Variants in LITAF observed in about 807,000 individuals in gnomAD.
LITAF encodes lipopolysaccharide induced TNF factor.
In LITAF, 9 loss-of-function variants were observed where a neutral mutation model predicts 14.5. That is an observed-to-expected ratio of 0.62 (90% confidence interval 0.37 to 1.08). The LOEUF is 1.08. Ranked by LOEUF, LITAF falls within the 50% of genes least tolerant of loss-of-function variation. The probability of loss-of-function intolerance (pLI) is 0.01; values close to 1 mark genes in which losing one functional copy is unlikely to be tolerated. For missense variants in LITAF, 206 were observed against 213.4 expected (o/e 0.97, Z 0.22); for synonymous variants, 98 against 88.2 (o/e 1.11, Z -0.62).
At chr16:11,635,359 C>G (rs1403529368) in intron 2 of LITAF, among the ~76,000 whole-genome samples, 1 of 152,232 alleles carries the variant, frequency 6.6e-6, no homozygotes, top group African/African-American at 2.4e-5. Context: ...CCAGCCAGAG[C>G]CAACCCCTGT....
At position 11,549,359 on chromosome 16, in the gene LITAF, G is replaced by A. The variant is rs1399512057; in HGVS notation, c.*278C>T. On this transcript the variant is annotated 3_prime_UTR_variant, in exon 4 of 4. Coordinates refer to ENST00000622633, the MANE Select transcript of LITAF (RefSeq NM_001136472.2). This position sits in a 1 kb window ranked among gnomAD's most constrained non-coding sequence, Gnocchi z 4.6. ...ATATTCGGATAGGGCAATGATCACA[G>A]TTAGATGGCAGGACTCAGGGTCTCA... 5.9e-6 allele frequency: 3 copies of A among 507,296 alleles called. No individual in the cohort carries two copies. Among genetic ancestry groups the A allele is most frequent in the Non-Finnish European group, 7.7e-6 (2 of 260,766 alleles). 31.4% of individuals were successfully genotyped at this position (507,296 alleles called of 1,614,324 possible). A position where few individuals can be genotyped will look rare whatever the true frequency, so the allele number is the denominator to read the frequency against.
chr16:11,618,377 T>A (rs969664918), intron 3 of LITAF, among the ~76,000 whole-genome samples: 3 of 152,074 alleles, frequency 2.0e-5, no homozygotes, highest in Non-Finnish European at 4.4e-5. Context: ...GAAGTAGGGG[T>A]AGCCTGGGGA....
At position 11,553,464 on chromosome 16, in the gene LITAF, G is replaced by C; in HGVS notation, c.377+69C>G. The stretch of plus-strand genomic sequence containing the variant: ...TGAATGTCAAGCATGGTGCAGTTGA[G>C]AACCCACCCCCGCCAGCACCCAGAG... On this transcript the variant is annotated intron_variant, in intron 3 of 3. Coordinates refer to ENST00000622633, the MANE Select transcript of LITAF (RefSeq NM_001136472.2). This position sits in a 1 kb window ranked among gnomAD's most constrained non-coding sequence, Gnocchi z 7.7. 1 of 1,549,774 alleles carries C rather than the reference G, an allele frequency of 6.5e-7. No homozygotes were observed. The highest frequency in any genetic ancestry group is 2.3e-5 in the East Asian group (1 of 44,252).
intron 1 of LITAF, among the ~76,000 whole-genome samples, chr16:11,566,809 G>C (rs1410020616): frequency 8.6e-5 from 13 of 151,468 alleles, no homozygotes; most frequent in Non-Finnish European, 1.9e-4. Context: ...AAAAAAAAAA[G>C]ATTTAGGAGT....
upstream of LITAF, among the ~76,000 whole-genome samples, chr16:11,589,292 C>T (rs916314469): frequency 2.0e-5 from 3 of 152,190 alleles, no homozygotes; most frequent in African/African-American, 7.2e-5. Context: ...GGAACTTCCT[C>T]AACCTTAGGG....
intron 1 of LITAF, among the ~76,000 whole-genome samples, chr16:11,572,758 G>C (rs1475739686): frequency 6.6e-6 from 1 of 152,164 alleles, no homozygotes; most frequent in Non-Finnish European, 1.5e-5. Context: ...GCACAGAAAA[G>C]CCTTAGTTGG....
chr16:11,576,554 A>AC (rs1555469757), intron 1 of LITAF, among the ~76,000 whole-genome samples: 11 of 116,642 alleles, frequency 9.4e-5, no homozygotes, highest in African/African-American at 1.3e-4. Context: ...AAAAAAAAAA[A>AC]AGAGAGAGAG....
At chr16:11,550,748 C>T (rs1483105764) in intron 3 of LITAF, among the ~76,000 whole-genome samples, 15 of 152,000 alleles carry the variant, frequency 9.9e-5, no homozygotes, top group East Asian at 1.9e-4. Context: ...CTTCCACCTC[C>T]GCCTCCCAAA....
At chr16:11,608,503 G>T (rs1033493408) in intron 3 of LITAF, among the ~76,000 whole-genome samples, 1 of 152,212 alleles carries the variant, frequency 6.6e-6, no homozygotes, top group African/African-American at 2.4e-5. Flanking sequence ...TACACAAATG[G>T]TGGAAACACC....
At position 11,620,680 on chromosome 16, in the gene LITAF, A is replaced by G. The variant is rs1381274330; in HGVS notation, c.85+12853T>C. ...GATATGGAAAAAATAGGTCATTTCT[A>G]TTCTGTGAAAGAATCAGCAGCACAA... On this transcript the variant is annotated intron_variant, in intron 3 of 3. Transcript: ENST00000574848. 3.3e-5 allele frequency among the ~76,000 whole-genome samples: 5 copies of G among 152,228 alleles called. No homozygotes were observed. The East Asian group carries it at 7.7e-4, about 23-fold the overall frequency.
At chr16:11,588,848 C>T (rs1007903732), upstream of LITAF, among the ~76,000 whole-genome samples, 11 of 148,076 alleles carry the variant, frequency 7.4e-5, no homozygotes, top group Admixed American at 7.4e-4. Context: ...CCCTCCCAAC[C>T]TTTTCTCCTT....
At chr16:11,604,998 G>A (rs532030493) in intron 3 of LITAF, among the ~76,000 whole-genome samples, 66 of 152,186 alleles carry the variant, frequency 4.3e-4, no homozygotes, top group Non-Finnish European at 8.4e-4. Flanking sequence ...GGAAGTTGGA[G>A]CAATGCGGGA....
intron 3 of LITAF, among the ~76,000 whole-genome samples, chr16:11,616,911 C>CAAAA (rs766801773): frequency 1.1e-4 from 9 of 83,064 alleles, no homozygotes; most frequent in East Asian, 3.3e-4. Flanking sequence ...GACTCTATCT[C>CAAAA]AAAAAAAAAA....
chr16:11,572,353 G>T lies in LITAF; in HGVS notation c.-6+14533C>A, dbSNP rs188772395. Among the ~76,000 whole-genome samples the T allele has an allele frequency of 2.2e-4, 33 of 152,162 alleles. 1 individual carries two copies. Among genetic ancestry groups the T allele is most frequent in the African/African-American group, 6.7e-4 (28 of 41,516 alleles). On this transcript the variant is annotated intron_variant, in intron 1 of 3. Transcript: ENST00000622633. ...GACAACACCCCGAGTCCTCATGCAT[G>T]AAATGATGCTCCAGTCCTCCTCAAA...
chr16:11,554,834 T>G (rs1272346436), intron 2 of LITAF, among the ~76,000 whole-genome samples: 1 of 135,878 alleles, frequency 7.4e-6, no homozygotes, highest in Non-Finnish European at 1.6e-5. Flanking sequence ...GTGATGAAAA[T>G]CATCAAGCAC....
At chr16:11,631,184 C>T (rs1404932033) in intron 3 of LITAF, among the ~76,000 whole-genome samples, 2 of 152,270 alleles carry the variant, frequency 1.3e-5, no homozygotes, top group South Asian at 2.1e-4. Context: ...AGTGAGCTAT[C>T]GGTGTCCTGT....
rs1451620847 is a variant in LITAF, at chr16:11,632,694, C to T, written c.85+839G>A. ...GGCCCAAGGCAGATGCCACCCAGGC[C>T]CTTCTTTCGGTTCTGCAAATGCCAC... is the stretch of plus-strand genomic sequence containing the variant. On this transcript the variant is annotated intron_variant, in intron 3 of 3. Coordinates refer to the LITAF transcript ENST00000574848. This position sits in a 1 kb window ranked among gnomAD's most constrained non-coding sequence, Gnocchi z 4.8. Among the ~76,000 whole-genome samples, 2 of 152,198 alleles carry T rather than the reference C, an allele frequency of 1.3e-5. No homozygotes were observed. The highest frequency in any genetic ancestry group is 2.9e-5 in the Non-Finnish European group (2 of 68,032).
At position 11,553,497 on chromosome 16, in the gene LITAF, C is replaced by G. The variant is rs1452006548; in HGVS notation, c.377+36G>C. The stretch of plus-strand genomic sequence containing the variant: ...CCCCGCCAGCACCCAGAGAGAAGGG[C>G]AGGATGGCTTGGGGCCAAGTGGGAG... On this transcript the variant is annotated intron_variant, in intron 3 of 3. Coordinates refer to ENST00000622633, the MANE Select transcript of LITAF (RefSeq NM_001136472.2). This position sits in a 1 kb window ranked among gnomAD's most constrained non-coding sequence, Gnocchi z 7.7. 1 of 1,612,462 alleles carries G rather than the reference C, an allele frequency of 6.2e-7. No individual in the cohort carries two copies. Among genetic ancestry groups the G allele is most frequent in the Admixed American group, 1.7e-5 (1 of 59,942 alleles).
At chr16:11,559,075 C>T (rs896716878) in intron 1 of LITAF, among the ~76,000 whole-genome samples, 1 of 152,044 alleles carries the variant, frequency 6.6e-6, no homozygotes, top group African/African-American at 2.4e-5. Flanking sequence ...TAGTGATACC[C>T]TCTCTCTACA....
Sources: gnomAD v4.1 joint callset for allele counts (sites outside exome capture counted in the v4.1 genomes callset) on GRCh38, gnomAD v4.1.1 for gene constraint, Gnocchi (gnomAD v3.1) non-coding constraint, MANE v1.5 for transcripts, NCBI Gene and HGNC (gene_info 2026-07-23, HGNC 2026-07-21) for gene names.